The following KCNH2 variants were observed in gnomAD, a reference collection of about 807,000 sequenced individuals.
The protein encoded by KCNH2 is voltage-gated inwardly rectifying potassium channel KCNH2.
KCNH2 carries 35 observed loss-of-function variants against 95.9 expected under a neutral mutation model. That is an observed-to-expected ratio of 0.37 (90% CI 0.28 to 0.48). KCNH2 has a LOEUF of 0.48. KCNH2 is among the 20% of genes least tolerant of loss of function. KCNH2 has a pLI of 0.99. For synonymous variants in KCNH2, 786 were observed against 754.7 expected (o/e 1.04, Z -0.68); for missense variants, 1,274 against 1,702.9 (o/e 0.75, Z 4.43).
rs1021628553 is a variant in KCNH2 at position 150,945,570 on chromosome 7, G to A, written c.3331-56C>T. 28 of 1,533,854 alleles carry A rather than the reference G, an allele frequency of 1.8e-5. 1 individual carries two copies. The Admixed American group carries it at 4.7e-4, about 26-fold the overall frequency. On this transcript the variant is annotated intron_variant, in intron 14 of 14. Transcript: ENST00000262186. This position sits in a 1 kb window ranked among gnomAD's most constrained non-coding sequence, Gnocchi z 5.6. The stretch of plus-strand genomic sequence containing the variant: ...AGAGGCCATGGAGGAGGAGGAAGGG[G>A]AGGGAAAGGGGCAGGAGAACCCGGG...
intron 7 of KCNH2, 150 bp from the exon 8 acceptor site, chr7:150,951,270 C>A: frequency 9.9e-7 from 1 of 1,010,796 alleles, no homozygotes; most frequent in Non-Finnish European, 1.5e-6. Context: ...TCCAGCACAC[C>A]CCACCCTTCA....
At chr7:150,964,910 G>T (rs557976075) in intron 2 of KCNH2, among the ~76,000 whole-genome samples, 1 of 152,204 alleles carries the variant, frequency 6.6e-6, no homozygotes, top group Non-Finnish European at 1.5e-5. Context: ...GGGGGCCACC[G>T]TGTCACTAAC....
In KCNH2 at chr7:150,951,942, G is replaced by A. The variant is rs1801190753; in HGVS notation, c.1558-107C>T. 4.9e-6 allele frequency: 5 copies of A among 1,030,754 alleles called. No homozygotes were observed. The South Asian group carries it at 6.5e-5, about 13-fold the overall frequency. The allele number at this position is 1,030,754 out of a possible 1,614,324, so 63.9% of individuals were successfully genotyped here. On this transcript the variant is annotated intron_variant, in intron 6 of 14. Transcript: ENST00000262186. Reference sequence around the variant, plus strand: ...GAGCATCAGAGGTCAGATCCCCAAAGACTTCCTAGACCCTCCTCCTAAGAG... The same window carrying A: ...GAGCATCAGAGGTCAGATCCCCAAAAACTTCCTAGACCCTCCTCCTAAGAG...
chr7:150,968,188 A>G (rs2117042266), intron 2 of KCNH2, among the ~76,000 whole-genome samples: 1 of 152,336 alleles, frequency 6.6e-6, no homozygotes, highest in African/African-American at 2.4e-5. Context: ...GAGGGTGATG[A>G]CAGGCATGGC....
intron 2 of KCNH2, among the ~76,000 whole-genome samples, chr7:150,963,362 G>A (rs1414315016): frequency 1.3e-5 from 2 of 152,136 alleles, no homozygotes; most frequent in Non-Finnish European, 1.5e-5. Flanking sequence ...GCCCCGGGGC[G>A]CTCATCTGCA....
chr7:150,974,640 C>CA, intron 2 of KCNH2, 71 bp downstream of exon 2: 1 of 1,215,180 alleles, frequency 8.2e-7, no homozygotes. Flanking sequence ...CCCACGCACC[C>CA]TGCCCCTCGC....
chr7:150,957,487 A>G lies in KCNH2; in HGVS notation c.932T>C (p.Leu311Pro). 2 of 1,613,666 alleles carry G rather than the reference A, an allele frequency of 1.2e-6. No homozygotes were observed. Among genetic ancestry groups the G allele is most frequent in the Non-Finnish European group, 1.7e-6 (2 of 1,179,932 alleles). Residue 311 changes from leucine (L) to proline (P), a missense_variant, in exon 5 of 15, where the codon CTG (leucine) becomes CCG (proline). Around this residue, in one of 7 missense-constraint regions of KCNH2, gnomAD observed 392 missense variants for 429.9 expected, o/e 0.91. Coordinates refer to ENST00000262186, the MANE Select transcript of KCNH2 (RefSeq NM_000238.4). ...RHASTGAMHP[L>P]RSGLLNSTSD... is the part of the protein sequence containing the mutation. ...GGTGGAGTTGAGCAAGCCGCTGCGC[A>G]GTGGGTGCATGGCCCCTAGGTGGAG...
At chr7:150,947,564 GC>G (rs757171849) in intron 12 of KCNH2, 41 bp downstream of exon 12, 2 of 1,606,504 alleles carry the variant, frequency 1.2e-6, no homozygotes. Flanking sequence ...CACCACCGCT[GC>G]CACGCCCGGT....
intron 9 of KCNH2, chr7:150,949,541 T>G: frequency 1.1e-6 from 1 of 902,128 alleles, no homozygotes; most frequent in Non-Finnish European, 1.4e-6. Flanking sequence ...TTGATTTTAG[T>G]TTTGTGGGGG....
In KCNH2 at chr7:150,945,408, G is replaced by A. The variant is rs1306797188; in HGVS notation, c.3437C>T (p.Thr1146Ile). The change falls in exon 15 of 15, where the codon ACC (threonine) becomes ATC (isoleucine). Residue 1146 changes from threonine to isoleucine, a missense_variant. Thr to Ile is a moderately conservative substitution (Grantham distance 89). Coordinates refer to ENST00000262186, the MANE Select transcript of KCNH2 (RefSeq NM_000238.4). This position sits in a 1 kb window ranked among gnomAD's most constrained non-coding sequence, Gnocchi z 5.6. ...LSLPGQLGAL[T>I]SQPLHRHGSD... Reference sequence around the variant, plus strand: ...GCCGTGTCTGTGCAGGGGCTGGGAGGTGAGGGCCCCCAGCTGGCCCGGTAG... The same window carrying A: ...GCCGTGTCTGTGCAGGGGCTGGGAGATGAGGGCCCCCAGCTGGCCCGGTAG... The A allele has an allele frequency of 6.3e-7, 1 of 1,584,326 alleles. No individual in the cohort carries two copies. The highest frequency in any genetic ancestry group is 8.6e-7 in the Non-Finnish European group (1 of 1,165,496).
intron 2 of KCNH2, among the ~76,000 whole-genome samples, chr7:150,964,893 C>A (rs1364254294): frequency 6.6e-6 from 1 of 152,188 alleles, no homozygotes; most frequent in African/African-American, 2.4e-5. Context: ...AGGAGCCGCT[C>A]CTGGCAGGGG....
chr7:150,959,759 C>A (rs759846364), intron 2 of KCNH2, 23 bp from the exon 3 acceptor site: 4 of 1,613,676 alleles, frequency 2.5e-6, no homozygotes, highest in African/African-American at 1.3e-5. Flanking sequence ...AGGACATAGC[C>A]CCCTTGGCAC....
chr7:150,952,996 C>A lies in KCNH2; in HGVS notation c.1129-143G>T. ...TCAGAATGCCCACCCCTCAGCCAAG[C>A]GACCACAGCAAATGGCCACCCCCAG... On this transcript the variant is annotated intron_variant, in intron 5 of 14. Coordinates refer to ENST00000262186, the MANE Select transcript of KCNH2 (RefSeq NM_000238.4). The surrounding 1 kb of genome is among the most constrained non-coding windows in gnomAD (Gnocchi z 7.3). 2 of 788,682 alleles carry A rather than the reference C, an allele frequency of 2.5e-6. No individual in the cohort carries two copies. Among genetic ancestry groups the A allele is most frequent in the Non-Finnish European group, 4.0e-6 (2 of 494,284 alleles). 48.9% of individuals were successfully genotyped at this position (788,682 alleles called of 1,614,324 possible).
Position 150,945,653 on chromosome 7 carries a change from G to C in KCNH2, c.3331-139C>G. On this transcript the variant is annotated intron_variant, in intron 14 of 14. Transcript: ENST00000262186. The surrounding 1 kb of genome is among the most constrained non-coding windows in gnomAD (Gnocchi z 5.6). ...AGAGGAGAGTCAGGTGGGCAGAGAA[G>C]CTGGAGGGGACAAGAGCCAAGGCAG... The C allele has an allele frequency of 2.2e-6, 2 of 914,670 alleles. No homozygotes were observed. The highest frequency in any genetic ancestry group is 3.5e-6 in the Non-Finnish European group (2 of 578,680). 56.7% of individuals were successfully genotyped at this position (914,670 alleles called of 1,614,324 possible).
rs199473525 is a variant in KCNH2 at position 150,951,529 on chromosome 7, G to A, written c.1864C>T (p.Leu622Phe). 1 of 1,614,136 alleles carries A rather than the reference G, an allele frequency of 6.2e-7. No individual in the cohort carries two copies. The highest frequency in any genetic ancestry group is 8.5e-7 in the Non-Finnish European group (1 of 1,180,024). ...VTALYFTFSS[L>F]TSVGFGNVSP... ...ACGTTGCCGAAGCCCACACTGGTGA[G>A]GCTGCTGAAGGTGAAGTAGAGCGCC... The change falls in exon 7 of 15, where the codon CTC (leucine) becomes TTC (phenylalanine). Residue 622 changes from leucine (L) to phenylalanine (F), a missense_variant. Transcript: ENST00000262186.
At position 150,959,584 on chromosome 7, in the gene KCNH2, AGCTGGTGGGGGGGCCCCGGTG is replaced by A. The variant is rs1563172629; in HGVS notation, c.439_459del (p.His147_Ser153del). The A allele has an allele frequency of 6.2e-7, 1 of 1,614,074 alleles. No individual in the cohort carries two copies. Among genetic ancestry groups the A allele is most frequent in the Non-Finnish European group, 8.5e-7 (1 of 1,179,950 alleles). ...CAAGTACACTTACCTGGGGCCAGCC[AGCTGGTGGGGGGGCCCCGGTG>A]GTTGGTGTCATGAGCCGGGGACCCC... is the stretch of plus-strand genomic sequence containing the variant. On this transcript the variant is annotated inframe_deletion, in exon 3 of 15. Coordinates refer to ENST00000262186, the MANE Select transcript of KCNH2 (RefSeq NM_000238.4).
At chr7:150,955,742 C>T (rs1040017810) in intron 5 of KCNH2, 48 of 1,275,640 alleles carry the variant, frequency 3.8e-5, no homozygotes, top group Admixed American at 1.2e-4. Flanking sequence ...GGCCCCGTGG[C>T]GTGGGCCCTG....
At chr7:150,974,628 C>T in intron 2 of KCNH2, 83 bp downstream of exon 2, 1 of 852,448 alleles carries the variant, frequency 1.2e-6, no homozygotes, top group Non-Finnish European at 1.8e-6. Flanking sequence ...CACCCCCACA[C>T]CCCCACGCAC....
Position 150,958,170 on chromosome 7 carries a change from G to A in KCNH2, c.805C>T (p.Arg269Trp), listed in dbSNP as rs199473503. Residue 269 changes from arginine (R) to tryptophan (W), a missense_variant, in exon 4 of 15, where the codon CGG becomes TGG. Arg to Trp is a moderately radical substitution (Grantham distance 101). This residue lies in a region of KCNH2 where 392 missense variants were observed against 429.9 expected (regional missense o/e 0.91). Transcript: ENST00000262186. ...GCGCAGCTTTCTCGGGAGCGCGTCC[G>A]GGCCAGGCTGCAGCTGGAGCCCGAG... ...DASGSSCSLA[R>W]TRSRESCASV... is the part of the protein sequence containing the mutation. The A allele has an allele frequency of 3.0e-6, 4 of 1,348,660 alleles. No homozygotes were observed. Among genetic ancestry groups the A allele is most frequent in the African/African-American group, 1.5e-5 (1 of 65,552 alleles). 83.5% of individuals were successfully genotyped at this position (1,348,660 alleles called of 1,614,324 possible).
Sources: allele counts gnomAD v4.1 joint callset (sites outside exome capture counted in the v4.1 genomes callset), GRCh38; gene constraint gnomAD v4.1.1; regional missense constraint gnomAD v4.1.1; non-coding constraint Gnocchi (gnomAD v3.1); transcripts MANE v1.5; gene names NCBI Gene and HGNC (gene_info 2026-07-23, HGNC 2026-07-21).